Variants in NRXN3 observed in about 807,000 individuals in gnomAD.
NRXN3 encodes neurexin III.
Under a neutral mutation model 137.6 loss-of-function variants are expected in NRXN3, and 32 were observed. That is an observed-to-expected ratio of 0.23 (90% CI 0.18 to 0.31). The LOEUF is 0.31. Ranked by LOEUF, NRXN3 falls within the 10% of genes least tolerant of loss-of-function variation. NRXN3 has a pLI of 1.00. For missense variants in NRXN3, 1,574 were observed against 2,062.5 expected (o/e 0.76, Z 4.59); for synonymous variants, 798 against 784.5 (o/e 1.02, Z -0.29).
At chr14:79,081,946 C>T (rs2047097154) in intron 15 of NRXN3, among the ~76,000 whole-genome samples, 1 of 152,026 alleles carries the variant, frequency 6.6e-6, no homozygotes, top group Non-Finnish European at 1.5e-5. Flanking sequence ...GTCTCCCTGT[C>T]TCCCAAATAA....
intron 4 of NRXN3, among the ~76,000 whole-genome samples, chr14:78,386,623 T>C (rs950660814): frequency 6.6e-6 from 1 of 152,202 alleles, no homozygotes; most frequent in African/African-American, 2.4e-5. Context: ...ACTTTATGGA[T>C]GAACAAACCA....
At chr14:79,314,515 C>A (rs1447856284) in intron 15 of NRXN3, among the ~76,000 whole-genome samples, 12 of 35,780 alleles carry the variant, frequency 3.4e-4, no homozygotes, top group Middle Eastern at 7.1e-3. Context: ...CCCAGGCTTG[C>A]TTAGGTAAAC....
rs2098461129 is a variant in NRXN3 at position 79,648,399 on chromosome 14, G to A, written c.3445-15379G>A. Among the ~76,000 whole-genome samples, 2 of 134,962 alleles carry A rather than the reference G, an allele frequency of 1.5e-5. 1 individual carries two copies. Among genetic ancestry groups the A allele is most frequent in the Non-Finnish European group, 3.4e-5 (2 of 58,062 alleles). 88.5% of individuals were successfully genotyped at this position (134,962 alleles called of 152,430 possible). A position where few individuals can be genotyped will look rare whatever the true frequency, so the allele number is the denominator to read the frequency against. ...AATCTTACCATTTTTTAAAAGAACA[G>A]TCTAGCTGTTCACGAGAGATCTGAT... is the stretch of plus-strand genomic sequence containing the variant. On this transcript the variant is annotated intron_variant, in intron 16 of 20. Coordinates refer to ENST00000335750, the MANE Select transcript of NRXN3 (RefSeq NM_001330195.2).
intron 10 of NRXN3, among the ~76,000 whole-genome samples, chr14:78,817,099 A>T (rs1312837645): frequency 1.3e-5 from 2 of 152,214 alleles, no homozygotes; most frequent in Non-Finnish European, 2.9e-5. Context: ...CTACATTATT[A>T]TTGATCTGTG....
chr14:79,508,415 G>A (rs1290748648), intron 16 of NRXN3, among the ~76,000 whole-genome samples: 1 of 4,064 alleles, frequency 2.5e-4, no homozygotes, highest in Non-Finnish European at 6.1e-4. Context: ...TTAAGACAGA[G>A]TCTCGCTCTT....
chr14:79,390,496 G>A (rs2094809320), intron 15 of NRXN3, among the ~76,000 whole-genome samples: 1 of 152,132 alleles, frequency 6.6e-6, no homozygotes, highest in South Asian at 2.1e-4. Flanking sequence ...CAGAAGTAAG[G>A]CAACTCATAG....
At chr14:78,693,203 T>C (rs2098190340) in intron 6 of NRXN3, among the ~76,000 whole-genome samples, 1 of 152,032 alleles carries the variant, frequency 6.6e-6, no homozygotes, top group African/African-American at 2.4e-5. Flanking sequence ...GATGCCTCAA[T>C]AGACCTGGCC....
intron 4 of NRXN3, among the ~76,000 whole-genome samples, chr14:78,433,596 T>C (rs776114729): frequency 3.9e-5 from 6 of 152,160 alleles, no homozygotes; most frequent in Non-Finnish European, 7.3e-5. Context: ...AGAACATTAG[T>C]TATCATTGAA....
intron 15 of NRXN3, among the ~76,000 whole-genome samples, chr14:79,172,192 G>GGA (rs1844246941): frequency 6.8e-6 from 1 of 147,778 alleles, no homozygotes; most frequent in South Asian, 2.1e-4. Flanking sequence ...ACTTGCTAGG[G>GGA]AAAAAAAAAA....
chr14:78,631,935 G>A (rs1025222125), intron 4 of NRXN3, among the ~76,000 whole-genome samples: 11 of 151,022 alleles, frequency 7.3e-5, no homozygotes, highest in South Asian at 2.1e-4. Flanking sequence ...GTGAAACCCC[G>A]TCTCTGCTAA....
chr14:78,651,301 A>G lies in NRXN3; in HGVS notation c.1196A>G (p.Asn399Ser). ...TADLPGSPVS[N>S]NFMGCLKEVV... ...GACTTGCCTGGCTCCCCTGTCAGCA[A>G]CAACTTCATGGGCTGCCTTAAAGAG... Residue 399 changes from asparagine to serine, a missense_variant, in exon 6 of 21, where the codon AAC becomes AGC. Around this residue, in one of 5 missense-constraint regions of NRXN3, gnomAD observed 400 missense variants for 527.3 expected, o/e 0.76. Coordinates refer to ENST00000335750, the MANE Select transcript of NRXN3 (RefSeq NM_001330195.2). The G allele has an allele frequency of 6.2e-7, 1 of 1,614,086 alleles. No homozygotes were observed. Among genetic ancestry groups the G allele is most frequent in the Non-Finnish European group, 8.5e-7 (1 of 1,179,954 alleles).
At chr14:78,906,613 A>G (rs2099217588) in intron 10 of NRXN3, among the ~76,000 whole-genome samples, 1 of 152,050 alleles carries the variant, frequency 6.6e-6, no homozygotes, top group Non-Finnish European at 1.5e-5. Context: ...TGGGGAAAGA[A>G]TTGTCTCCAG....
At chr14:79,399,903 C>A (rs922664607) in intron 15 of NRXN3, among the ~76,000 whole-genome samples, 1 of 152,116 alleles carries the variant, frequency 6.6e-6, no homozygotes, top group Non-Finnish European at 1.5e-5. Flanking sequence ...CTGGTGGCGG[C>A]CATCAATTCT....
At chr14:79,234,307 TATATATATATA>T (rs1320234954) in intron 15 of NRXN3, among the ~76,000 whole-genome samples, 4 of 81,162 alleles carry the variant, frequency 4.9e-5, no homozygotes, top group Non-Finnish European at 6.9e-5. Context: ...TATATATATA[TATATATATATA>T]TATATATATA....
intron 19 of NRXN3, among the ~76,000 whole-genome samples, chr14:79,775,542 G>C (rs554644212): frequency 6.8e-6 from 1 of 146,898 alleles, no homozygotes; most frequent in Non-Finnish European, 1.5e-5. Context: ...CTAGAGGATT[G>C]GGCTCTAACC....
chr14:78,553,090 C>T (rs1478540592), intron 4 of NRXN3, among the ~76,000 whole-genome samples: 1 of 152,174 alleles, frequency 6.6e-6, no homozygotes, highest in East Asian at 1.9e-4. Flanking sequence ...GAAGTAAATG[C>T]TATGATTATC....
intron 8 of NRXN3, among the ~76,000 whole-genome samples, chr14:78,801,587 G>A (rs1007639560): frequency 2.0e-5 from 3 of 152,110 alleles, no homozygotes; most frequent in Non-Finnish European, 4.4e-5. Context: ...CTCCCACTAG[G>A]CCCCTCCTTC....
intron 20 of NRXN3, among the ~76,000 whole-genome samples, chr14:79,851,176 T>C (rs2141717799): frequency 6.6e-6 from 1 of 152,312 alleles, no homozygotes; most frequent in Admixed American, 6.5e-5. Flanking sequence ...TCTTTAAGTC[T>C]CACACTTAGA....
intron 19 of NRXN3, among the ~76,000 whole-genome samples, chr14:79,758,525 C>G (rs1196182587): frequency 6.6e-6 from 1 of 152,154 alleles, no homozygotes; most frequent in Non-Finnish European, 1.5e-5. Context: ...GGATCTGCCC[C>G]ATGACCAAAC....
Sources: gnomAD v4.1 joint callset for allele counts (sites outside exome capture counted in the v4.1 genomes callset) on GRCh38, gnomAD v4.1.1 for gene constraint, gnomAD v4.1.1 regional missense constraint, MANE v1.5 for transcripts, NCBI Gene and HGNC (gene_info 2026-07-23, HGNC 2026-07-21) for gene names.